The following KNG1 variants were observed in gnomAD, a reference collection of about 807,000 sequenced individuals.
KNG1 encodes the protein kininogen 1.
A neutral mutation model predicts 47.8 loss-of-function variants in KNG1; 23 were observed. The observed-to-expected ratio is 0.48, with a 90% confidence interval of 0.35 to 0.68. The LOEUF is 0.68. Ranked by LOEUF, KNG1 falls within the 30% of genes least tolerant of loss-of-function variation. The probability of loss-of-function intolerance (pLI) is 0.01; values close to 1 mark genes in which losing one functional copy is unlikely to be tolerated. For synonymous variants in KNG1, 277 were observed against 277.0 expected, an observed-to-expected ratio of 1.00 and a Z score of 0.00; for missense variants, 762 against 790.2, an observed-to-expected ratio of 0.96 and a Z score of 0.43.
rs375663819 is a variant in KNG1 at position 186,731,582 on chromosome 3, T to C, written c.710T>C (p.Ile237Thr). Reference sequence around the variant, plus strand: ...TGTACAGATAATGCATACATCGATATTCAGCTACGAATTGCTTCCTTCTCA... The same window carrying C: ...TGTACAGATAATGCATACATCGATACTCAGCTACGAATTGCTTCCTTCTCA... ...GECTDNAYID[I>T]QLRIASFSQN... is the part of the protein sequence containing the mutation. Residue 237 changes from isoleucine to threonine, a missense_variant, in exon 6 of 10, where the codon ATT becomes ACT. Physicochemically the swap from Ile to Thr is moderately conservative, Grantham distance 89 (BLOSUM62 -1). Coordinates refer to ENST00000644859, the MANE Select transcript of KNG1 (RefSeq NM_001102416.3). 2 of 1,612,384 alleles carry C rather than the reference T, an allele frequency of 1.2e-6. No homozygotes were observed. Among genetic ancestry groups the C allele is most frequent in the South Asian group, 2.2e-5 (2 of 91,044 alleles).
At chr3:186,720,244 C>T (rs1461963108) in intron 2 of KNG1, 29 bp downstream of exon 2, 1 of 1,445,474 alleles carries the variant, frequency 6.9e-7, no homozygotes, top group Non-Finnish European at 9.7e-7. Flanking sequence ...CTTGGGCCTT[C>T]TGTTTTCTCC....
intron 7 of KNG1, 61 bp from the exon 8 acceptor site, chr3:186,739,038 G>A: frequency 1.5e-6 from 2 of 1,318,570 alleles, no homozygotes; most frequent in South Asian, 1.2e-5. Flanking sequence ...ATTTCTTAAA[G>A]ATAAATGATT....
In KNG1 at chr3:186,737,575, G is replaced by A. The variant is rs5030070; in HGVS notation, c.931-1524G>A. 1.9e-3 allele frequency among the ~76,000 whole-genome samples: 295 copies of A among 151,942 alleles called. 1 individual carries two copies. The highest frequency in any genetic ancestry group is 6.6e-3 in the African/African-American group (275 of 41,418). Reference sequence around the variant, plus strand: ...TTGTTTTTGTTTTGTTTTGTTTCCCGAAACAGAGTCTCACTCTGTCACCCA... The same window carrying A: ...TTGTTTTTGTTTTGTTTTGTTTCCCAAAACAGAGTCTCACTCTGTCACCCA... On this transcript the variant is annotated intron_variant, in intron 7 of 9. Coordinates refer to ENST00000644859, the MANE Select transcript of KNG1 (RefSeq NM_001102416.3).
Position 186,741,971 on chromosome 3 carries a change from A to C in KNG1, c.1575A>C (p.Ala525=), listed in dbSNP as rs1403978530. ...KHNGWKTEHL[A]SSSEDSTTPS... is the part of the protein sequence containing the mutation. ...ATGGTTGGAAAACAGAGCATTTGGC[A>C]AGCTCTTCTGAAGACAGTACTACAC... The change falls in exon 10 of 10, where the codon GCA becomes GCC. Residue 525 remains alanine, a synonymous_variant. Transcript: ENST00000644859. The C allele has an allele frequency of 3.1e-6, 5 of 1,614,250 alleles. No homozygotes were observed. The highest frequency in any genetic ancestry group is 4.2e-6 in the Non-Finnish European group (5 of 1,180,048).
At chr3:186,732,240 A>C (rs993479378) in intron 6 of KNG1, among the ~76,000 whole-genome samples, 5 of 152,218 alleles carry the variant, frequency 3.3e-5, no homozygotes, top group Admixed American at 3.3e-4. Flanking sequence ...AAATGCAAAA[A>C]TTCAGGAAAA....
chr3:186,743,737 AC>A lies in KNG1; in HGVS notation c.*1411del. The A allele has an allele frequency of 6.2e-7, 1 of 1,613,984 alleles. No individual in the cohort carries two copies. Among genetic ancestry groups the A allele is most frequent in the African/African-American group, 1.3e-5 (1 of 74,986 alleles). On this transcript the variant is annotated 3_prime_UTR_variant, in exon 10 of 10. Transcript: ENST00000644859. ...TAAGGTCCTGCGAGTACAAGGGTCG[AC>A]CCCCAAAGGCAGGGGCAGAGCCAGC...
chr3:186,720,340 T>C, intron 2 of KNG1, 125 bp downstream of exon 2: 1 of 721,210 alleles, frequency 1.4e-6, no homozygotes, highest in Non-Finnish European at 2.5e-6. Flanking sequence ...AACATTCCAA[T>C]GTGTAGAAAA....
At chr3:186,731,334 T>TGC (rs1720526963) in intron 5 of KNG1, among the ~76,000 whole-genome samples, 2 of 151,924 alleles carry the variant, frequency 1.3e-5, no homozygotes, top group African/African-American at 4.8e-5. Flanking sequence ...CTGCTTTCCA[T>TGC]GTGCTCATGT....
At chr3:186,719,728 C>CAAAA (rs398063105) in intron 1 of KNG1, among the ~76,000 whole-genome samples, 47 of 119,242 alleles carry the variant, frequency 3.9e-4, no homozygotes, top group Non-Finnish European at 6.4e-4. Context: ...GACTCCATCT[C>CAAAA]AAAAAAAAAA....
intron 9 of KNG1, among the ~76,000 whole-genome samples, chr3:186,740,983 T>TTTG (rs1553794061): frequency 3.3e-5 from 5 of 151,804 alleles, no homozygotes; most frequent in South Asian, 2.1e-4. Context: ...TTGTTTTTTT[T>TTTG]TTGTTGTTGT....
At position 186,720,784 on chromosome 3, in the gene KNG1, C is replaced by CTTTTTTTTT. The variant is rs1167537831; in HGVS notation, c.306+584_306+592dup. Among the ~76,000 whole-genome samples the CTTTTTTTTT allele has an allele frequency of 3.8e-4, 34 of 89,754 alleles. 1 individual carries two copies. Among genetic ancestry groups the CTTTTTTTTT allele is most frequent in the South Asian group, 4.8e-4 (1 of 2,076 alleles). The allele number at this position is 89,754 out of a possible 152,430, so 58.9% of individuals were successfully genotyped here. A position where few individuals can be genotyped will look rare whatever the true frequency, so the allele number is the denominator to read the frequency against. ...CACACCATAGCTGGTTGTTGTTTTG[C>CTTTTTTTTT]TTTTTTTTTTTTTTTTTTTTTTTGA... On this transcript the variant is annotated intron_variant, in intron 2 of 9. Coordinates refer to ENST00000644859, the MANE Select transcript of KNG1 (RefSeq NM_001102416.3).
chr3:186,731,528 T>A lies in KNG1; in HGVS notation c.673-17T>A, dbSNP rs751692839. 1 of 1,544,498 alleles carries A rather than the reference T, an allele frequency of 6.5e-7. No individual in the cohort carries two copies. Among genetic ancestry groups the A allele is most frequent in the Non-Finnish European group, 9.0e-7 (1 of 1,116,604 alleles). ...AAATGTTTTTAACTGAGCACTTATA[T>A]GCTTTTTAAAAACCAGGATACCGGT... On this transcript the variant is annotated splice_polypyrimidine_tract_variant and intron_variant, in intron 5 of 9. Coordinates refer to ENST00000644859, the MANE Select transcript of KNG1 (RefSeq NM_001102416.3).
intron 1 of KNG1, among the ~76,000 whole-genome samples, chr3:186,718,723 G>A (rs898277791): frequency 6.6e-6 from 1 of 152,092 alleles, no homozygotes; most frequent in South Asian, 2.1e-4. Context: ...TTAATGGGAG[G>A]GGGTACTTCA....
intron 4 of KNG1, among the ~76,000 whole-genome samples, chr3:186,725,926 A>C (rs1017620360): frequency 8.6e-5 from 13 of 150,540 alleles, no homozygotes; most frequent in African/African-American, 2.9e-4. Context: ...CAGAAAAAAA[A>C]AAGTATATAT....
chr3:186,739,774 G>A (rs1215746601), intron 9 of KNG1, among the ~76,000 whole-genome samples: 1 of 152,184 alleles, frequency 6.6e-6, no homozygotes, highest in Non-Finnish European at 1.5e-5. Context: ...ATGCATGGCT[G>A]GGCGCGGTGG....
chr3:186,735,004 T>C (rs1207379112), intron 7 of KNG1, among the ~76,000 whole-genome samples: 1 of 152,190 alleles, frequency 6.6e-6, no homozygotes, highest in Non-Finnish European at 1.5e-5. Context: ...TCTCTGCTAC[T>C]TGAGCACTTG....
chr3:186,717,808 A>ACG, intron 1 of KNG1, 71 bp downstream of exon 1: 1 of 1,035,448 alleles, frequency 9.7e-7, no homozygotes. Flanking sequence ...GGCCTCACAC[A>ACG]CACACACACA....
In KNG1 at chr3:186,720,172, G is replaced by T; in HGVS notation, c.263G>T (p.Gly88Val). Residue 88 changes from glycine to valine, a missense_variant, in exon 2 of 10, where the codon GGC becomes GTC. Transcript: ENST00000644859. ...IKEGDCPVQS[G>V]KTWQDCEYKD... The stretch of plus-strand genomic sequence containing the variant: ...GAGGGGGATTGTCCTGTTCAAAGTG[G>T]CAAAACCTGGCAGGACTGTGAGTAC... 1 of 1,613,814 alleles carries T rather than the reference G, an allele frequency of 6.2e-7. No homozygotes were observed. The highest frequency in any genetic ancestry group is 1.1e-5 in the South Asian group (1 of 91,070).
At chr3:186,726,147 T>C (rs1720364991) in intron 4 of KNG1, among the ~76,000 whole-genome samples, 1 of 151,850 alleles carries the variant, frequency 6.6e-6, no homozygotes, top group South Asian at 2.1e-4. Context: ...GCCAAGCGGG[T>C]GGTCTCAAAC....
Sources: gnomAD v4.1 joint callset for allele counts (sites outside exome capture counted in the v4.1 genomes callset) on GRCh38, gnomAD v4.1.1 for gene constraint, MANE v1.5 for transcripts, NCBI Gene and HGNC (gene_info 2026-07-23, HGNC 2026-07-21) for gene names.